The following C5orf34 variants were observed in gnomAD, a reference collection of about 807,000 sequenced individuals.
C5orf34 encodes the protein uncharacterized protein C5orf34.
C5orf34 carries 73 observed loss-of-function variants against 78.4 expected under a neutral mutation model. The ratio of observed to expected loss-of-function variants is 0.93; its 90% CI spans 0.77 to 1.13. The LOEUF (loss-of-function observed/expected upper bound fraction) is 1.13, where lower values mean the gene tolerates loss of function less well. Among genes scored for constraint, C5orf34 ranks in the 50% most tolerant of loss-of-function variants. The pLI is 0.00. For missense variants in C5orf34, 730 were observed against 732.7 expected (o/e 1.00, Z 0.04); for synonymous variants, 251 against 246.6 (o/e 1.02, Z -0.17).
chr5:43,486,963 A>C lies in C5orf34; in HGVS notation c.1869T>G (p.Ser623=), dbSNP rs1282242521. Residue 623 remains serine (S), a synonymous_variant, in exon 13 of 13, where the codon TCT becomes TCG. Transcript: ENST00000306862. ...GACAGTCAATATCGTGAAGGATTTC[A>C]GAGGTTTTTTTCAATGCTATTGATA... is the stretch of plus-strand genomic sequence containing the variant. The part of the protein sequence containing the change: ...NRVSIALKKT[S]EILHDIDCLL... The C allele has an allele frequency of 9.6e-6, 15 of 1,564,510 alleles. No individual in the cohort carries two copies. In the South Asian group the frequency reaches 1.7e-4, roughly 18 times the overall value.
chr5:43,508,035 G>A (rs1292213495), intron 3 of C5orf34, among the ~76,000 whole-genome samples: 18 of 146,164 alleles, frequency 1.2e-4, no homozygotes, highest in Admixed American at 8.4e-4. Flanking sequence ...CCGAGATCGT[G>A]CCACTGCACT....
In C5orf34 at chr5:43,486,948, A is replaced by G. The variant is rs780140915; in HGVS notation, c.1884T>C (p.Asp628=). 6.4e-7 allele frequency: 1 copy of G among 1,556,200 alleles called. No homozygotes were observed. The highest frequency in any genetic ancestry group is 2.3e-5 in the East Asian group (1 of 42,616). Residue 628 remains aspartate, a synonymous_variant, in exon 13 of 13, where the codon GAT becomes GAC. Transcript: ENST00000306862. ...TAGAGTTTGATAGAAGACAGTCAAT[A>G]TCGTGAAGGATTTCAGAGGTTTTTT... The part of the protein sequence containing the change: ...ALKKTSEILH[D]IDCLLSNSKK
At chr5:43,509,406 A>G (rs1746129047) in intron 1 of C5orf34, 31 bp from the exon 2 acceptor site, 4 of 1,296,398 alleles carry the variant, frequency 3.1e-6, no homozygotes, top group Non-Finnish European at 4.2e-6. Context: ...AACAGCATAA[A>G]TAGTTCTCTT....
In C5orf34 at chr5:43,506,134, T is replaced by C; in HGVS notation, c.546A>G (p.Ile182Met). The C allele has an allele frequency of 1.9e-6, 3 of 1,614,252 alleles. No homozygotes were observed. The highest frequency in any genetic ancestry group is 2.5e-6 in the Non-Finnish European group (3 of 1,180,040). Residue 182 changes from isoleucine to methionine, a missense_variant, in exon 4 of 13, where the codon ATA becomes ATG. Transcript: ENST00000306862. ...KLVEKTGKIC[I>M]RGNLPGQRLK... ...GTCTCTGTCCTGGTAAATTTCCACG[T>C]ATACAGATTTTGCCAGTTTTTTCAA...
At chr5:43,492,966 A>G in intron 8 of C5orf34, 76 bp from the exon 9 acceptor site, 1 of 1,041,074 alleles carries the variant, frequency 9.6e-7, no homozygotes. Context: ...TAATGACTCT[A>G]GGGCAATTTT....
intron 6 of C5orf34, among the ~76,000 whole-genome samples, chr5:43,500,131 T>A (rs933650680): frequency 3.3e-5 from 5 of 152,216 alleles, no homozygotes; most frequent in African/African-American, 9.6e-5. Context: ...GTCTTTTTAG[T>A]TATTGGCAAT....
At position 43,515,065 on chromosome 5, in the gene C5orf34, C is replaced by T. The variant is rs1746429499; in HGVS notation, c.-296G>A. 1 of 152,290 alleles carries T rather than the reference C, an allele frequency of 6.6e-6. No individual in the cohort carries two copies. The highest frequency in any genetic ancestry group is 1.5e-5 in the Non-Finnish European group (1 of 68,092). The allele number at this position is 152,290 out of a possible 1,614,324, so 9.4% of individuals were successfully genotyped here. ...AACAGGAAAGCGGAGACAGCGCCAA[C>T]TGTAACCACTAAGAGAAAGCGCAAA... is the stretch of plus-strand genomic sequence containing the variant. On this transcript the variant is annotated 5_prime_UTR_variant, in exon 1 of 13. Transcript: ENST00000306862.
chr5:43,487,453 G>C (rs921739649), intron 12 of C5orf34, among the ~76,000 whole-genome samples: 1 of 152,066 alleles, frequency 6.6e-6, no homozygotes, highest in Non-Finnish European at 1.5e-5. Flanking sequence ...TCTGTGTAGT[G>C]TCTATTTTTA....
At chr5:43,497,991 C>G (rs1745612439) in intron 6 of C5orf34, among the ~76,000 whole-genome samples, 2 of 152,340 alleles carry the variant, frequency 1.3e-5, no homozygotes, top group South Asian at 4.1e-4. Context: ...TTCCTTCCGT[C>G]TCAGGGAAGC....
In C5orf34 at chr5:43,494,160, TAAAG is replaced by T. The variant is rs1165416339; in HGVS notation, c.1244+346_1244+349del. The stretch of plus-strand genomic sequence containing the variant: ...CAGAAATCTATTACTCTGAAGATAA[TAAAG>T]AAGTATAAAAATTTTAAATGTAACA... On this transcript the variant is annotated intron_variant, in intron 7 of 12. Transcript: ENST00000306862. 5.3e-5 allele frequency among the ~76,000 whole-genome samples: 8 copies of T among 152,246 alleles called. No individual in the cohort carries two copies. The East Asian group carries it at 1.5e-3, about 29-fold the overall frequency.
chr5:43,496,011 C>T (rs1355105910), intron 6 of C5orf34: 18 of 1,591,322 alleles, frequency 1.1e-5, no homozygotes, highest in East Asian at 2.2e-5. Context: ...TTAACACCAA[C>T]AATTAGTTGT....
intron 5 of C5orf34, 84 bp downstream of exon 5, chr5:43,503,581 C>G: frequency 1.1e-6 from 1 of 896,116 alleles, no homozygotes; most frequent in Non-Finnish European, 1.9e-6. Flanking sequence ...TTCTGAGAGT[C>G]TGTCTATAAG....
intron 6 of C5orf34, among the ~76,000 whole-genome samples, chr5:43,496,759 GT>G (rs5867630): frequency 0.98 from 149,015 of 151,588 alleles, 73,310 homozygotes; most frequent in Middle Eastern, 1. Flanking sequence ...AATTTTTTAA[GT>G]TTTTTTGTAG....
At chr5:43,492,642 G>T in intron 9 of C5orf34, 78 bp downstream of exon 9, 2 of 1,212,076 alleles carry the variant, frequency 1.7e-6, no homozygotes, top group Non-Finnish European at 2.4e-6. Context: ...AACTGAAATA[G>T]TGTGGTACTT....
intron 4 of C5orf34, chr5:43,505,489 C>T: frequency 2.6e-6 from 1 of 385,094 alleles, no homozygotes; most frequent in Non-Finnish European, 4.6e-6. Flanking sequence ...AAAGCAGGGA[C>T]TGTGTCTTAG....
At chr5:43,505,675 TAA>T in intron 4 of C5orf34, 71 bp downstream of exon 4, 10 of 1,438,414 alleles carry the variant, frequency 7.0e-6, no homozygotes, top group Non-Finnish European at 9.2e-6. Flanking sequence ...TGGTATCAGA[TAA>T]AAAGAAAATT....
chr5:43,514,734 C>T (rs1415978971), intron 1 of C5orf34, 72 bp downstream of exon 1: 1 of 152,184 alleles, frequency 6.6e-6, no homozygotes, highest in East Asian at 1.9e-4. Flanking sequence ...AATCTCATTT[C>T]TTTCAAAATG....
rs1745321892 is a variant in C5orf34, at chr5:43,492,390, TAAAG to T, written c.1486-85_1486-82del. On this transcript the variant is annotated intron_variant, in intron 9 of 12. Transcript: ENST00000306862. ...ACAACCTATTCTAACTTCATTAACTTAAAGAAATAAGTAGAGGAATCATTAAAGA... is the reference window on the plus strand; with the variant it reads ...ACAACCTATTCTAACTTCATTAACTTAAATAAGTAGAGGAATCATTAAAGA... 8 of 887,520 alleles carry T rather than the reference TAAAG, an allele frequency of 9.0e-6. No homozygotes were observed. In the South Asian group the frequency reaches 9.4e-5, roughly 10 times the overall value. 55.0% of individuals were successfully genotyped at this position (887,520 alleles called of 1,614,324 possible). A position where few individuals can be genotyped will look rare whatever the true frequency, so the allele number is the denominator to read the frequency against.
At chr5:43,508,492 G>GT in intron 3 of C5orf34, 85 bp downstream of exon 3, 2 of 810,266 alleles carry the variant, frequency 2.5e-6, no homozygotes, top group Non-Finnish European at 2.1e-6. Context: ...GTCCTGAAAA[G>GT]GAAAAAAAGG....
Sources: allele counts gnomAD v4.1 joint callset (sites outside exome capture counted in the v4.1 genomes callset), GRCh38; gene constraint gnomAD v4.1.1; transcripts MANE v1.5; gene names NCBI Gene and HGNC (gene_info 2026-07-23, HGNC 2026-07-21).